The following SH2D6 variants were observed in gnomAD, a reference collection of about 807,000 sequenced individuals.
The protein encoded by SH2D6 is SH2 domain-containing protein 6.
In SH2D6, 31 loss-of-function variants were observed where a neutral mutation model predicts 30.2. The observed-to-expected ratio is 1.03, with a 90% CI of 0.77 to 1.38. The LOEUF (loss-of-function observed/expected upper bound fraction) is 1.38, where lower values mean the gene tolerates loss of function less well. Ranked by LOEUF, SH2D6 falls within the 40% of genes most tolerant of loss-of-function variation. SH2D6 has a pLI of 0.00. For missense variants in SH2D6, 240 were observed against 266.8 expected (o/e 0.90, Z 0.70); for synonymous variants, 93 against 104.6 (o/e 0.89, Z 0.68).
At chr2:85,425,037 GCC>G (rs1687929413) in intron 5 of SH2D6, among the ~76,000 whole-genome samples, 1 of 152,144 alleles carries the variant, frequency 6.6e-6, no homozygotes, top group Non-Finnish European at 1.5e-5. Flanking sequence ...CTGCACTCCA[GCC>G]TGGGTGACAG....
intron 21 of SH2D6, 49 bp downstream of exon 21, chr2:85,435,545 A>G (rs748907064): frequency 5.0e-6 from 8 of 1,602,546 alleles, no homozygotes; most frequent in Non-Finnish European, 6.8e-6. Flanking sequence ...TTTTGCTCAC[A>G]GGCTGTGGCT....
rs1349829565 is a variant in SH2D6, at chr2:85,435,486, A to T, written c.722A>T (p.His241Leu). 6.2e-7 allele frequency: 1 copy of T among 1,613,578 alleles called. No homozygotes were observed. Among genetic ancestry groups the T allele is most frequent in the East Asian group, 2.2e-5 (1 of 44,868 alleles). ...DRYAVESALL[H>L]LQKDGAYTVR... The stretch of plus-strand genomic sequence containing the variant: ...TATGCTGTTGAGAGTGCCCTGCTCC[A>T]CTTACAAAAGGTGGGCAGCCACGGA... The change falls in exon 21 of 24, where the codon CAC becomes CTC. Residue 241 changes from histidine to leucine, a missense_variant. Physicochemically the swap from His to Leu is moderately conservative, Grantham distance 99. Transcript: ENST00000469800.
intron 19 of SH2D6, 39 bp from the exon 20 acceptor site, chr2:85,435,026 A>ACCCC: frequency 3.3e-6 from 1 of 303,996 alleles, no homozygotes; most frequent in Non-Finnish European, 4.8e-6. Context: ...CCCCCACCCC[A>ACCCC]CCCCACCCCA....
At chr2:85,419,905 G>A (rs1687682187) in intron 2 of SH2D6, among the ~76,000 whole-genome samples, 1 of 152,148 alleles carries the variant, frequency 6.6e-6, no homozygotes, top group South Asian at 2.1e-4. Flanking sequence ...CTGGTCGCGT[G>A]GTCTCTAAGC....
In SH2D6 at chr2:85,419,903, G is replaced by A. The variant is rs141249934; in HGVS notation, c.-577+659G>A. Among the ~76,000 whole-genome samples the A allele has an allele frequency of 7.2e-3, 1,100 of 152,264 alleles. 18 individuals are homozygous for A. The highest frequency in any genetic ancestry group is 0.025 in the African/African-American group (1,045 of 41,546). ...TGTGGGGTTCATATTAACTGGTCGC[G>A]TGGTCTCTAAGCATGCCTATTTCTG... On this transcript the variant is annotated intron_variant, in intron 2 of 23. Transcript: ENST00000469800.
intron 18 of SH2D6, 36 bp from the exon 19 acceptor site, chr2:85,434,437 G>T: frequency 6.4e-7 from 1 of 1,550,508 alleles, no homozygotes; most frequent in South Asian, 1.2e-5. Flanking sequence ...GGGACCTGGG[G>T]CCCGGCCTCT....
intron 22 of SH2D6, 133 bp downstream of exon 22, chr2:85,435,957 AGCCCTGAACTCCTTCCAGACACCTG>A (rs1689408645): frequency 1.6e-6 from 2 of 1,259,996 alleles, no homozygotes; most frequent in South Asian, 3.2e-5. Context: ...CAGAGCCCAG[AGCCCTGAACTCCTTCCAGACACCTG>A]GCCCTCTGGT....
At chr2:85,423,482 C>T (rs1687827225) in intron 5 of SH2D6, among the ~76,000 whole-genome samples, 1 of 152,224 alleles carries the variant, frequency 6.6e-6, no homozygotes, top group South Asian at 2.1e-4. Flanking sequence ...ATCCACCTGC[C>T]TTGACCTCCC....
chr2:85,435,702 C>G lies in SH2D6; in HGVS notation c.769C>G (p.His257Asp), dbSNP rs537039257. 6.2e-7 allele frequency: 1 copy of G among 1,612,980 alleles called. No individual in the cohort carries two copies. The highest frequency in any genetic ancestry group is 1.7e-5 in the Admixed American group (1 of 59,888). Residue 257 changes from histidine (H) to aspartate (D), a missense_variant, in exon 22 of 24, where the codon CAT becomes GAT. Physicochemically the swap from His to Asp is moderately conservative, Grantham distance 81. Transcript: ENST00000469800. Reference protein sequence around the residue: ...AYTVRPSSGPHGSQPFTLAVL... With the variant: ...AYTVRPSSGPDGSQPFTLAVL... The stretch of plus-strand genomic sequence containing the variant: ...TACCGTGCGCCCCAGCTCAGGGCCT[C>G]ATGGCTCCCAGCCCTTCACCCTGGC...
At chr2:85,433,494 TC>T in intron 15 of SH2D6, 76 bp from the exon 16 acceptor site, 1 of 781,226 alleles carries the variant, frequency 1.3e-6, no homozygotes, top group Non-Finnish European at 1.6e-6. Context: ...CGATGGCTCC[TC>T]CCCCAAAACC....
At chr2:85,424,248 A>G (rs1035852169) in intron 5 of SH2D6, among the ~76,000 whole-genome samples, 6 of 152,100 alleles carry the variant, frequency 3.9e-5, no homozygotes, top group Non-Finnish European at 8.8e-5. Flanking sequence ...CACTCCCCTC[A>G]AGAAGGGAAA....
chr2:85,435,421 T>TCTG lies in SH2D6; in HGVS notation c.661_663dup (p.Leu221dup). The TCTG allele has an allele frequency of 6.2e-7, 1 of 1,613,808 alleles. No individual in the cohort carries two copies. Among genetic ancestry groups the TCTG allele is most frequent in the Non-Finnish European group, 8.5e-7 (1 of 1,179,928 alleles). ...ACTGTGTGTATGCACAGGACAGTGA[T>TCTG]CTGCTGACTCAGCCTTGGTACTCGG... On this transcript the variant is annotated inframe_insertion, in exon 21 of 24. Transcript: ENST00000469800.
intron 5 of SH2D6, among the ~76,000 whole-genome samples, chr2:85,424,556 C>T (rs1315937029): frequency 1.3e-5 from 2 of 152,070 alleles, no homozygotes; most frequent in Non-Finnish European, 2.9e-5. Context: ...TTCAGACCAT[C>T]CTGGGCCACA....
At chr2:85,434,899 G>A (rs918608994) in intron 19 of SH2D6, 166 bp from the exon 20 acceptor site, 8 of 1,584,784 alleles carry the variant, frequency 5.0e-6, no homozygotes, top group Non-Finnish European at 6.9e-6. Flanking sequence ...GTCCTGCCAG[G>A]GCACTGGATC....
chr2:85,428,723 T>G (rs1161904129), intron 7 of SH2D6, 26 bp downstream of exon 7: 1 of 152,232 alleles, frequency 6.6e-6, no homozygotes, highest in Non-Finnish European at 1.5e-5. Context: ...TTCTGTTGCT[T>G]AAGCCACACA....
In SH2D6 at chr2:85,434,966, C is replaced by A. The variant is rs765073758; in HGVS notation, c.590-99C>A. 11 of 1,588,194 alleles carry A rather than the reference C, an allele frequency of 6.9e-6. 1 individual carries two copies. In the South Asian group the frequency reaches 1.3e-4, roughly 18 times the overall value. On this transcript the variant is annotated intron_variant, in intron 19 of 23. Transcript: ENST00000469800. ...TTTGGGCTCGGGGCCATGTACGCCT[C>A]CTCCTACCCCCCACCCCCGCAGCTG...
At chr2:85,428,203 A>T (rs1245881157) in intron 6 of SH2D6, among the ~76,000 whole-genome samples, 3 of 152,186 alleles carry the variant, frequency 2.0e-5, no homozygotes, top group Non-Finnish European at 4.4e-5. Flanking sequence ...TGAGCTCCTT[A>T]AGGAAGGTCA....
intron 20 of SH2D6, 127 bp downstream of exon 20, chr2:85,435,250 G>A: frequency 1.6e-6 from 2 of 1,246,048 alleles, no homozygotes; most frequent in African/African-American, 1.5e-5. Flanking sequence ...CACGTGTGCG[G>A]CACCCCGCCG....
intron 22 of SH2D6, 149 bp from the exon 23 acceptor site, chr2:85,436,317 A>G: frequency 3.1e-6 from 2 of 641,538 alleles, no homozygotes; most frequent in South Asian, 3.7e-5. Flanking sequence ...GGGGCAGCAA[A>G]ATGGCAGTGG....
Sources: gnomAD v4.1 joint callset for allele counts (sites outside exome capture counted in the v4.1 genomes callset) on GRCh38, gnomAD v4.1.1 for gene constraint, MANE v1.5 for transcripts, NCBI Gene and HGNC (gene_info 2026-07-23, HGNC 2026-07-21) for gene names.